Variants in PPM1F observed in about 807,000 individuals in gnomAD.
The protein encoded by PPM1F is protein phosphatase, Mg2+/Mn2+ dependent 1F.
Under a neutral mutation model 35.5 loss-of-function variants are expected in PPM1F, and 17 were observed. The ratio of observed to expected loss-of-function variants is 0.48; its 90% CI spans 0.33 to 0.72. The LOEUF (loss-of-function observed/expected upper bound fraction) is 0.72, where lower values mean the gene tolerates loss of function less well. Among genes scored for constraint, PPM1F ranks in the 30% least tolerant of loss-of-function variants. The pLI is 0.02. For missense variants in PPM1F, 521 were observed against 613.0 expected, an observed-to-expected ratio of 0.85 and a Z score of 1.59; for synonymous variants, 241 against 255.5, an observed-to-expected ratio of 0.94 and a Z score of 0.54.
chr22:21,946,026 T>C lies in PPM1F; in HGVS notation c.23A>G (p.Lys8Arg), dbSNP rs2070773893. The C allele has an allele frequency of 1.3e-6, 2 of 1,564,228 alleles. No individual in the cohort carries two copies. Among genetic ancestry groups the C allele is most frequent in the Non-Finnish European group, 1.7e-6 (2 of 1,153,302 alleles). ...AGCTCCACTGGCCATTGGGCTGCTC[T>C]TCTGTGGGGCTCCAGAGGACATGCC... MSSGAPQKSSPMASGAEE... is the reference protein window; with the variant it reads MSSGAPQRSSPMASGAEE... The change falls in exon 2 of 8, where the codon AAG becomes AGG. Residue 8 changes from lysine to arginine, a missense_variant. Around this residue, in one of 3 missense-constraint regions of PPM1F, gnomAD observed 311 missense variants for 351.5 expected, o/e 0.88. Coordinates refer to ENST00000263212, the MANE Select transcript of PPM1F (RefSeq NM_014634.4).
rs147873434 is a variant in PPM1F at position 21,923,286 on chromosome 22, C to T, written c.1171G>A (p.Glu391Lys). Residue 391 changes from glutamate (E) to lysine (K), a missense_variant, in exon 8 of 8, where the codon GAG (glutamate) becomes AAG (lysine). By Grantham distance (56) the Glu-to-Lys change is moderately conservative. Coordinates refer to ENST00000263212, the MANE Select transcript of PPM1F (RefSeq NM_014634.4). Reference protein sequence around the residue: ...RQQGSGLRVAEELVAAARERG... With the variant: ...RQQGSGLRVAKELVAAARERG... The stretch of plus-strand genomic sequence containing the variant: ...TCCCGGGCCGCAGCCACCAGCTCCT[C>T]GGCGACACGGAGCCCGCTGCCCTGC... 111 of 1,613,348 alleles carry T rather than the reference C, an allele frequency of 6.9e-5. No homozygotes were observed. Among genetic ancestry groups the T allele is most frequent in the Middle Eastern group, 1.6e-4 (1 of 6,082 alleles).
At chr22:21,923,892 G>C in intron 7 of PPM1F, among the ~76,000 whole-genome samples, 1 of 146,444 alleles carries the variant, frequency 6.8e-6, no homozygotes, top group South Asian at 2.2e-4. Context: ...GTTTCACCAT[G>C]TTGGCCAAGA....
At chr22:21,941,438 G>A (rs1441133477) in intron 2 of PPM1F, 4 of 152,374 alleles carry the variant, frequency 2.6e-5, no homozygotes, top group African/African-American at 9.6e-5. Flanking sequence ...TGAGCAACTA[G>A]AAGGCTCGTG....
Position 21,945,915 on chromosome 22 carries a change from G to C in PPM1F, c.134C>G (p.Pro45Arg). ...NPEDPLPWKAPGTVLSQEEVE... is the reference protein window; with the variant it reads ...NPEDPLPWKARGTVLSQEEVE... ...CTCCTCCTGGCTGAGCACCGTCCCT[G>C]GGGCCTTCCATGGCAGAGGGTCCTC... Residue 45 changes from proline to arginine, a missense_variant, in exon 2 of 8, where the codon CCA (proline) becomes CGA (arginine). By Grantham distance (103) the Pro-to-Arg change is moderately radical. Around this residue, in one of 3 missense-constraint regions of PPM1F, gnomAD observed 311 missense variants for 351.5 expected, o/e 0.88. Transcript: ENST00000263212. The C allele has an allele frequency of 6.2e-7, 1 of 1,613,008 alleles. No homozygotes were observed. Among genetic ancestry groups the C allele is most frequent in the Non-Finnish European group, 8.5e-7 (1 of 1,179,684 alleles).
intron 2 of PPM1F, among the ~76,000 whole-genome samples, chr22:21,940,392 G>A (rs964051316): frequency 1.3e-5 from 2 of 152,050 alleles, no homozygotes; most frequent in African/African-American, 4.8e-5. Context: ...AGAATTGCTT[G>A]AACCTGGGAG....
chr22:21,922,957 T>G lies in PPM1F; in HGVS notation c.*135A>C. On this transcript the variant is annotated 3_prime_UTR_variant, in exon 8 of 8. Coordinates refer to ENST00000263212, the MANE Select transcript of PPM1F (RefSeq NM_014634.4). ...GACGGGCTGCGGGGGGTGTCCCGAC[T>G]GGCTCTGGGGTGCTGGGGAAAGCAC... The G allele has an allele frequency of 8.3e-7, 1 of 1,211,136 alleles. No individual in the cohort carries two copies. Among genetic ancestry groups the G allele is most frequent in the East Asian group, 2.4e-5 (1 of 42,074 alleles). The allele number at this position is 1,211,136 out of a possible 1,614,324, so 75.0% of individuals were successfully genotyped here.
rs1299120264 is a variant in PPM1F at position 21,923,282 on chromosome 22, T to C, written c.1175A>G (p.Glu392Gly). The change falls in exon 8 of 8, where the codon GAG (glutamate) becomes GGG (glycine). Residue 392 changes from glutamate (E) to glycine (G), a missense_variant. Physicochemically the swap from Glu to Gly is moderately conservative, Grantham distance 98 (BLOSUM62 -2). Around this residue, in one of 3 missense-constraint regions of PPM1F, gnomAD observed 163 missense variants for 169.6 expected, o/e 0.96. Coordinates refer to ENST00000263212, the MANE Select transcript of PPM1F (RefSeq NM_014634.4). ...CCGCTCCCGGGCCGCAGCCACCAGC[T>C]CCTCGGCGACACGGAGCCCGCTGCC... The part of the protein sequence containing the change: ...QQGSGLRVAE[E>G]LVAAARERGS... 1 of 1,613,190 alleles carries C rather than the reference T, an allele frequency of 6.2e-7. No homozygotes were observed. Among genetic ancestry groups the C allele is most frequent in the Non-Finnish European group, 8.5e-7 (1 of 1,179,908 alleles).
intron 2 of PPM1F, chr22:21,945,322 G>C (rs2070766031): frequency 6.5e-6 from 1 of 153,228 alleles, no homozygotes; most frequent in African/African-American, 2.4e-5. Flanking sequence ...AGCATAGCGA[G>C]ACCCCATTCT....
At chr22:21,931,107 G>A in intron 6 of PPM1F, 41 bp downstream of exon 6, 1 of 1,609,774 alleles carries the variant, frequency 6.2e-7, no homozygotes, top group Non-Finnish European at 8.5e-7. Flanking sequence ...GCATGATGGA[G>A]GCCAGGAATA....
chr22:21,938,021 C>T (rs1250565387), intron 3 of PPM1F: 69 of 1,137,474 alleles, frequency 6.1e-5, no homozygotes, highest in Non-Finnish European at 7.8e-5. Context: ...CTACATTCTA[C>T]TTCCGTGACA....
chr22:21,922,911 G>A lies in PPM1F; in HGVS notation c.*181C>T. The A allele has an allele frequency of 1.3e-6, 1 of 763,320 alleles. No individual in the cohort carries two copies. The allele number at this position is 763,320 out of a possible 1,614,324, so 47.3% of individuals were successfully genotyped here. A position where few individuals can be genotyped will look rare whatever the true frequency, so the allele number is the denominator to read the frequency against. ...CCTTCCACCATCTGCCCGCCACCCA[G>A]TGCAGTTCCACAGCCACCAGGACGG... On this transcript the variant is annotated 3_prime_UTR_variant, in exon 8 of 8. Coordinates refer to ENST00000263212, the MANE Select transcript of PPM1F (RefSeq NM_014634.4).
At chr22:21,936,772 A>G (rs1250451071) in intron 3 of PPM1F, 1 of 152,310 alleles carries the variant, frequency 6.6e-6, no homozygotes, top group Non-Finnish European at 1.5e-5. Flanking sequence ...CAGCCCAGCC[A>G]GCAACCATGT....
intron 5 of PPM1F, 42 bp downstream of exon 5, chr22:21,933,349 T>C: frequency 6.4e-7 from 1 of 1,554,840 alleles, no homozygotes. Context: ...GGACTCTCAC[T>C]GGCCTCCAAA....
At chr22:21,934,457 C>T (rs2070635041) in intron 3 of PPM1F, 3 of 529,424 alleles carry the variant, frequency 5.7e-6, no homozygotes, top group Admixed American at 3.7e-5. Flanking sequence ...AGCAACTCTA[C>T]TCATGGGAAC....
chr22:21,940,827 G>A (rs73388140), intron 2 of PPM1F, among the ~76,000 whole-genome samples: 4,278 of 152,292 alleles, frequency 0.028, 182 homozygotes, highest in African/African-American at 0.096. Flanking sequence ...AGGAGCTGCC[G>A]GGGTGAGGGG....
chr22:21,929,415 G>A (rs2070561657), intron 6 of PPM1F, among the ~76,000 whole-genome samples: 1 of 152,336 alleles, frequency 6.6e-6, no homozygotes, highest in South Asian at 2.1e-4. Flanking sequence ...AGGGACCCCT[G>A]TGTGATGGAC....
At chr22:21,929,486 T>C (rs1230814229) in intron 6 of PPM1F, among the ~76,000 whole-genome samples, 1 of 152,210 alleles carries the variant, frequency 6.6e-6, no homozygotes, top group African/African-American at 2.4e-5. Context: ...CACGACGCCA[T>C]ACTGCAGGAC....
chr22:21,931,003 A>G, intron 6 of PPM1F, 145 bp downstream of exon 6: 1 of 1,354,090 alleles, frequency 7.4e-7, no homozygotes. Context: ...ACCCCCGGCC[A>G]CTCAAATCAG....
intron 1 of PPM1F, chr22:21,947,661 G>A (rs969925455): frequency 6.6e-6 from 1 of 152,158 alleles, no homozygotes; most frequent in Non-Finnish European, 1.5e-5. Flanking sequence ...AAGGCAAGGA[G>A]AATCTTCTAG....
Sources: gnomAD v4.1 joint callset for allele counts (sites outside exome capture counted in the v4.1 genomes callset) on GRCh38, gnomAD v4.1.1 for gene constraint, gnomAD v4.1.1 regional missense constraint, MANE v1.5 for transcripts, NCBI Gene and HGNC (gene_info 2026-07-23, HGNC 2026-07-21) for gene names.